PCDHGB1: variants seen among roughly 807,000 people sequenced by gnomAD.
PCDHGB1 encodes the protein protocadherin gamma-B1.
Under a neutral mutation model 56.6 loss-of-function variants are expected in PCDHGB1, and 34 were observed. The ratio of observed to expected loss-of-function variants is 0.60; its 90% confidence interval spans 0.46 to 0.80. PCDHGB1 has a LOEUF of 0.80. Among genes scored for constraint, PCDHGB1 ranks in the 30% least tolerant of loss-of-function variants. The pLI is 0.00. For missense variants in PCDHGB1, 1,278 were observed against 1,204.6 expected (o/e 1.06, Z -0.90); for synonymous variants, 561 against 505.9 (o/e 1.11, Z -1.46).
chr5:141,453,021 A>G (rs1008711775), intron 1 of PCDHGB1, among the ~76,000 whole-genome samples: 1 of 152,200 alleles, frequency 6.6e-6, no homozygotes, highest in Non-Finnish European at 1.5e-5. Context: ...TATGTGATTC[A>G]TTAAAATAAA....
Position 141,486,563 on chromosome 5 carries a change from G to T in PCDHGB1, c.2410-8244G>T, listed in dbSNP as rs558244990. Reference sequence around the variant, plus strand: ...CTTTCAGAGGTCACATGAGGTGTTTGTTCCTGAGAACAATCGCCCAGGGGA... The same window carrying T: ...CTTTCAGAGGTCACATGAGGTGTTTTTTCCTGAGAACAATCGCCCAGGGGA... On this transcript the variant is annotated intron_variant, in intron 1 of 3. Transcript: ENST00000523390. The surrounding 1 kb of genome is among the most constrained non-coding windows in gnomAD (Gnocchi z 5.0). The T allele has an allele frequency of 4.3e-6, 7 of 1,614,006 alleles. No individual in the cohort carries two copies. The highest frequency in any genetic ancestry group is 4.0e-5 in the African/African-American group (3 of 75,054).
intron 1 of PCDHGB1, chr5:141,364,350 G>A: frequency 6.5e-7 from 1 of 1,550,364 alleles, no homozygotes; most frequent in Non-Finnish European, 8.7e-7. Flanking sequence ...CCACCTAGGG[G>A]CTGGGGCTGC....
chr5:141,428,324 T>C, intron 1 of PCDHGB1: 1 of 642,806 alleles, frequency 1.6e-6, no homozygotes, highest in Non-Finnish European at 2.8e-6. Flanking sequence ...TTGGCCTTGA[T>C]TTCTATGCTC....
At position 141,502,665 on chromosome 5, in the gene PCDHGB1, A is replaced by G. The variant is rs192555506; in HGVS notation, c.2469-2728A>G. The stretch of plus-strand genomic sequence containing the variant: ...GAGATAGGCAGCAACCCTTCATGCA[A>G]TTTTAGTATTCCCTGATGATCCTTG... On this transcript the variant is annotated intron_variant, in intron 2 of 3. Transcript: ENST00000523390. 3.7e-3 allele frequency among the ~76,000 whole-genome samples: 568 copies of G among 152,330 alleles called. 1 individual carries two copies. Among genetic ancestry groups the G allele is most frequent in the African/African-American group, 0.013 (544 of 41,584 alleles).
intron 1 of PCDHGB1, chr5:141,393,983 A>T: frequency 1.9e-6 from 3 of 1,613,710 alleles, no homozygotes; most frequent in Non-Finnish European, 2.5e-6. Context: ...GTGATAATTT[A>T]CCTTTTAAAT....
At chr5:141,483,706 C>T (rs1187078630) in intron 1 of PCDHGB1, among the ~76,000 whole-genome samples, 1 of 151,926 alleles carries the variant, frequency 6.6e-6, no homozygotes, top group African/African-American at 2.4e-5. Context: ...CTTTTTGACA[C>T]CAGAATATTG....
At chr5:141,434,392 CA>C (rs1377925864) in intron 1 of PCDHGB1, among the ~76,000 whole-genome samples, 2 of 152,210 alleles carry the variant, frequency 1.3e-5, no homozygotes, top group Non-Finnish European at 2.9e-5. Context: ...TGGCCATAAA[CA>C]AAATCTCTGC....
At chr5:141,418,563 C>A (rs2096269554) in intron 1 of PCDHGB1, 2 of 1,613,998 alleles carry the variant, frequency 1.2e-6, no homozygotes, top group Non-Finnish European at 1.7e-6. Context: ...GTAATAGATG[C>A]CAATGACAAC....
chr5:141,393,682 C>T (rs756181553), intron 1 of PCDHGB1: 18 of 1,613,870 alleles, frequency 1.1e-5, no homozygotes, highest in Non-Finnish European at 1.3e-5. Context: ...AAACAAACTC[C>T]GTTATTCCAG....
intron 1 of PCDHGB1, chr5:141,361,103 A>G (rs1224359599): frequency 5.0e-6 from 8 of 1,613,902 alleles, no homozygotes; most frequent in Non-Finnish European, 6.8e-6. Context: ...GAAGCAAAAG[A>G]TCCTGGAGAT....
intron 1 of PCDHGB1, chr5:141,414,617 T>C: frequency 6.2e-7 from 1 of 1,614,002 alleles, no homozygotes; most frequent in Non-Finnish European, 8.5e-7. Flanking sequence ...GTGACAGCGC[T>C]GGACCCGGAC....
intron 1 of PCDHGB1, chr5:141,357,605 G>A: frequency 1.2e-6 from 2 of 1,614,024 alleles, no homozygotes; most frequent in Non-Finnish European, 1.7e-6. Context: ...GAAACAAAAG[G>A]AGACCCTAAT....
Position 141,485,718 on chromosome 5 carries a change from T to A in PCDHGB1, c.2410-9089T>A, listed in dbSNP as rs562192762. ...TCCAATGAACACTTTGCACTGGATG[T>A]GAAGAAGCGCAGCGACGGCAGCCTG... On this transcript the variant is annotated intron_variant, in intron 1 of 3. Coordinates refer to ENST00000523390, the MANE Select transcript of PCDHGB1 (RefSeq NM_018922.3). The surrounding 1 kb of genome is among the most constrained non-coding windows in gnomAD (Gnocchi z 5.7). 1 of 1,614,058 alleles carries A rather than the reference T, an allele frequency of 6.2e-7. No homozygotes were observed. The highest frequency in any genetic ancestry group is 2.2e-5 in the East Asian group (1 of 44,866).
intron 1 of PCDHGB1, chr5:141,475,885 A>G (rs1593590954): frequency 1.8e-6 from 1 of 556,524 alleles, no homozygotes. Flanking sequence ...ATTGGCTGGG[A>G]CTCTGTGTGC....
chr5:141,370,269 G>A (rs1185604406), intron 1 of PCDHGB1: 1 of 783,942 alleles, frequency 1.3e-6, no homozygotes, highest in Admixed American at 3.1e-5. Flanking sequence ...TCCTGCAGCG[G>A]AGACACCCAT....
intron 1 of PCDHGB1, chr5:141,392,833 GC>G (rs922844407): frequency 1.2e-6 from 2 of 1,604,258 alleles, no homozygotes; most frequent in Non-Finnish European, 1.7e-6. Context: ...CCACAGAGTC[GC>G]CCCAGACGCG....
Position 141,487,540 on chromosome 5 carries a change from G to T in PCDHGB1, c.2410-7267G>T, listed in dbSNP as rs1319372340. The T allele has an allele frequency of 1.2e-6, 2 of 1,614,208 alleles. No homozygotes were observed. Among genetic ancestry groups the T allele is most frequent in the Admixed American group, 3.3e-5 (2 of 60,034 alleles). ...GGAGTGATAGCTTCATGATGGTGAA[G>T]TCACCCAGTGCACCTATGGCAGGGG... is the stretch of plus-strand genomic sequence containing the variant. On this transcript the variant is annotated intron_variant, in intron 1 of 3. Transcript: ENST00000523390. This position sits in a 1 kb window ranked among gnomAD's most constrained non-coding sequence, Gnocchi z 5.0.
At chr5:141,384,528 C>T in intron 1 of PCDHGB1, 2 of 1,614,254 alleles carry the variant, frequency 1.2e-6, no homozygotes, top group Non-Finnish European at 1.7e-6. Context: ...CGCCTCTCAG[C>T]AGCAACATGT....
intron 1 of PCDHGB1, among the ~76,000 whole-genome samples, chr5:141,407,316 GTATTTATAAA>G (rs2094915018): frequency 6.6e-6 from 1 of 152,094 alleles, no homozygotes; most frequent in Non-Finnish European, 1.5e-5. Flanking sequence ...TTCATACTTA[GTATTTATAAA>G]TATTGAAATG....
Sources: allele counts gnomAD v4.1 joint callset (sites outside exome capture counted in the v4.1 genomes callset), GRCh38; gene constraint gnomAD v4.1.1; non-coding constraint Gnocchi (gnomAD v3.1); transcripts MANE v1.5; gene names NCBI Gene and HGNC (gene_info 2026-07-23, HGNC 2026-07-21).